Variants in CHSY1 observed in about 807,000 individuals in gnomAD.
CHSY1 encodes N-acetylgalactosaminyl-proteoglycan 3-beta-glucuronosyltransferase 1.
Under a neutral mutation model 59.8 loss-of-function variants are expected in CHSY1, and 13 were observed. The ratio of observed to expected loss-of-function variants is 0.22; its 90% CI spans 0.14 to 0.35. The LOEUF (loss-of-function observed/expected upper bound fraction) is 0.35, where lower values mean the gene tolerates loss of function less well. CHSY1 is among the 10% of genes least tolerant of loss of function. The pLI is 1.00. For missense variants in CHSY1, 947 were observed against 1,030.6 expected (o/e 0.92, Z 1.11); for synonymous variants, 459 against 401.2 (o/e 1.14, Z -1.72).
At chr15:101,242,412 A>G (rs2039011635) in intron 1 of CHSY1, 1 of 152,308 alleles carries the variant, frequency 6.6e-6, no homozygotes, top group Non-Finnish European at 1.5e-5. Context: ...TGGTGGGCCC[A>G]AATTCAGCTA....
chr15:101,191,651 G>A (rs556039202), intron 2 of CHSY1, among the ~76,000 whole-genome samples: 89 of 152,304 alleles, frequency 5.8e-4, no homozygotes, highest in African/African-American at 2.0e-3. Flanking sequence ...CATATTGGGG[G>A]AGACTGTGCA....
intron 2 of CHSY1, among the ~76,000 whole-genome samples, chr15:101,211,058 TCA>T (rs2038677440): frequency 6.6e-6 from 1 of 152,222 alleles, no homozygotes; most frequent in African/African-American, 2.4e-5. Context: ...GCACAGTGGC[TCA>T]GGCCTGTAAT....
At position 101,231,286 on chromosome 15, in the gene CHSY1, G is replaced by A. The variant is rs572868116; in HGVS notation, c.816+3796C>T. 1.5e-4 allele frequency among the ~76,000 whole-genome samples: 23 copies of A among 152,302 alleles called. No individual in the cohort carries two copies. In the South Asian group the frequency reaches 4.8e-3, roughly 32 times the overall value. On this transcript the variant is annotated intron_variant, in intron 2 of 2. Coordinates refer to ENST00000254190, the MANE Select transcript of CHSY1 (RefSeq NM_014918.5). Reference sequence around the variant, plus strand: ...GACGAAGTTCTTTTATTTACCAAATGGGAAATCTTCCAAGACATAGATGGT... The same window carrying A: ...GACGAAGTTCTTTTATTTACCAAATAGGAAATCTTCCAAGACATAGATGGT...
chr15:101,212,886 A>C (rs1286991794), intron 2 of CHSY1, among the ~76,000 whole-genome samples: 1 of 152,218 alleles, frequency 6.6e-6, no homozygotes, highest in East Asian at 1.9e-4. Context: ...TTGGACAGAT[A>C]TGTAATAAAG....
intron 1 of CHSY1, among the ~76,000 whole-genome samples, chr15:101,247,931 G>A (rs1204661266): frequency 6.6e-6 from 1 of 152,120 alleles, no homozygotes; most frequent in African/African-American, 2.4e-5. Context: ...GAGGTTGCTA[G>A]CTACTAGTCC....
chr15:101,192,172 T>A (rs2038453340), intron 2 of CHSY1, among the ~76,000 whole-genome samples: 1 of 152,236 alleles, frequency 6.6e-6, no homozygotes, highest in Admixed American at 6.5e-5. Context: ...AGAGCAAAAC[T>A]CATTTTGTTC....
In CHSY1 at chr15:101,251,997, C is replaced by G. The variant is rs2039121766; in HGVS notation, c.-541G>C. ...TGAAGTGGCCCCGCCGGCGGCGAGC[C>G]GTGGCCCCTCTCGGGATCCGTCCGC... is the stretch of plus-strand genomic sequence containing the variant. On this transcript the variant is annotated 5_prime_UTR_variant, in exon 1 of 3. Coordinates refer to ENST00000254190, the MANE Select transcript of CHSY1 (RefSeq NM_014918.5). 1 of 150,952 alleles carries G rather than the reference C, an allele frequency of 6.6e-6. No individual in the cohort carries two copies. The highest frequency in any genetic ancestry group is 2.4e-5 in the African/African-American group (1 of 41,232). 9.4% of individuals were successfully genotyped at this position (150,952 alleles called of 1,614,324 possible).
intron 1 of CHSY1, among the ~76,000 whole-genome samples, chr15:101,241,439 T>C (rs2039000522): frequency 6.6e-6 from 1 of 152,326 alleles, no homozygotes; most frequent in African/African-American, 2.4e-5. Context: ...GCAACAGGTA[T>C]ATTTAGAGCT....
chr15:101,199,328 T>C (rs1809462), intron 2 of CHSY1, among the ~76,000 whole-genome samples: 103,308 of 151,962 alleles, frequency 0.68, 36,349 homozygotes, highest in East Asian at 0.88. Context: ...ATGGTGAAAC[T>C]CCGTCTCTAC....
At chr15:101,239,067 C>T (rs1429631428) in intron 1 of CHSY1, among the ~76,000 whole-genome samples, 1 of 152,186 alleles carries the variant, frequency 6.6e-6, no homozygotes, top group Admixed American at 6.5e-5. Flanking sequence ...CAATGACCCC[C>T]CATTCAAGTC....
intron 2 of CHSY1, among the ~76,000 whole-genome samples, chr15:101,224,460 T>A (rs904291667): frequency 6.6e-6 from 1 of 152,130 alleles, no homozygotes; most frequent in African/African-American, 2.4e-5. Flanking sequence ...TTCCCACACA[T>A]CCATAACATC....
At chr15:101,220,818 T>A (rs2038781040) in intron 2 of CHSY1, among the ~76,000 whole-genome samples, 1 of 152,246 alleles carries the variant, frequency 6.6e-6, no homozygotes, top group African/African-American at 2.4e-5. Flanking sequence ...CCTCAGGGCC[T>A]CCGCATGCCC....
chr15:101,226,070 A>G (rs966961128), intron 2 of CHSY1, among the ~76,000 whole-genome samples: 1 of 152,244 alleles, frequency 6.6e-6, no homozygotes, highest in African/African-American at 2.4e-5. Flanking sequence ...TAACACATCC[A>G]TTTTAGGTAA....
At chr15:101,250,872 T>A (rs903689628) in intron 1 of CHSY1, among the ~76,000 whole-genome samples, 3 of 152,166 alleles carry the variant, frequency 2.0e-5, no homozygotes, top group African/African-American at 7.2e-5. Flanking sequence ...AAGGCTAAAG[T>A]GCCTTCATCA....
At chr15:101,244,886 T>C (rs978805585) in intron 1 of CHSY1, among the ~76,000 whole-genome samples, 3 of 152,320 alleles carry the variant, frequency 2.0e-5, no homozygotes, top group African/African-American at 7.2e-5. Context: ...ATACCTGAAA[T>C]TTCCACTTCA....
intron 2 of CHSY1, among the ~76,000 whole-genome samples, chr15:101,195,004 C>T (rs1342909196): frequency 6.6e-6 from 1 of 152,194 alleles, no homozygotes; most frequent in African/African-American, 2.4e-5. Flanking sequence ...GAAAAGTAGT[C>T]TTACAAACCG....
intron 2 of CHSY1, among the ~76,000 whole-genome samples, chr15:101,207,590 G>C (rs1260304136): frequency 6.6e-6 from 1 of 151,822 alleles, no homozygotes; most frequent in Admixed American, 6.6e-5. Context: ...AAATAATTAA[G>C]ACAAGACCCA....
In CHSY1 at chr15:101,213,260, G is replaced by C. The variant is rs186929369; in HGVS notation, c.816+21822C>G. 7.2e-3 allele frequency among the ~76,000 whole-genome samples: 1,072 copies of C among 149,190 alleles called. 7 individuals are homozygous for C. The highest frequency in any genetic ancestry group is 0.027 in the South Asian group (130 of 4,806). ...GACAACTATATCCTAAAAGGAGGGA[G>C]GACTTCATTGTGCTACAGTGTTGTA... is the stretch of plus-strand genomic sequence containing the variant. On this transcript the variant is annotated intron_variant, in intron 2 of 2. Coordinates refer to ENST00000254190, the MANE Select transcript of CHSY1 (RefSeq NM_014918.5).
intron 2 of CHSY1, among the ~76,000 whole-genome samples, chr15:101,204,742 A>G (rs1233344812): frequency 1.3e-5 from 2 of 151,604 alleles, no homozygotes; most frequent in Non-Finnish European, 2.9e-5. Context: ...CATTTCTACT[A>G]AAACTACAAA....
Sources: gnomAD v4.1 joint callset for allele counts (sites outside exome capture counted in the v4.1 genomes callset) on GRCh38, gnomAD v4.1.1 for gene constraint, MANE v1.5 for transcripts, NCBI Gene and HGNC (gene_info 2026-07-23, HGNC 2026-07-21) for gene names.